LRMDA: variants seen among roughly 807,000 people sequenced by gnomAD.
The protein encoded by LRMDA is leucine-rich melanocyte differentiation-associated protein.
A neutral mutation model predicts 29.8 loss-of-function variants in LRMDA; 18 were observed. The observed-to-expected ratio is 0.60, with a 90% CI of 0.42 to 0.90. LRMDA has a LOEUF of 0.90. Among genes scored for constraint, LRMDA ranks in the 40% least tolerant of loss-of-function variants. The pLI is 0.00. For synonymous variants in LRMDA, 125 were observed against 109.4 expected, an observed-to-expected ratio of 1.14 and a Z score of -0.89; for missense variants, 273 against 273.9, an observed-to-expected ratio of 1.00 and a Z score of 0.02.
chr10:75,771,293 T>A (rs958018949), intron 2 of LRMDA, among the ~76,000 whole-genome samples: 9 of 152,076 alleles, frequency 5.9e-5, no homozygotes, highest in South Asian at 2.1e-4. Flanking sequence ...TTTTTTTTTT[T>A]ATCTAGTCAT....
chr10:76,173,987 T>C (rs1046016398), intron 5 of LRMDA, among the ~76,000 whole-genome samples: 1 of 152,144 alleles, frequency 6.6e-6, no homozygotes, highest in Non-Finnish European at 1.5e-5. Context: ...GAAAATTGAA[T>C]TTGTAGTTAA....
Position 76,292,196 on chromosome 10 carries a change from A to G in LRMDA, c.517-32205A>G, listed in dbSNP as rs1041434112. The stretch of plus-strand genomic sequence containing the variant: ...ATAAAGATGCATTTTAGTTCCTCCT[A>G]TCTGTACAACATATATTAATATATA... On this transcript the variant is annotated intron_variant, in intron 5 of 6. Coordinates refer to ENST00000611255, the MANE Select transcript of LRMDA (RefSeq NM_001305581.2). Among the ~76,000 whole-genome samples the G allele has an allele frequency of 2.0e-5, 3 of 152,332 alleles. No homozygotes were observed. In the East Asian group the frequency reaches 5.8e-4, roughly 29 times the overall value.
At chr10:75,799,945 C>T (rs975362110) in intron 2 of LRMDA, among the ~76,000 whole-genome samples, 1 of 152,152 alleles carries the variant, frequency 6.6e-6, no homozygotes, top group African/African-American at 2.4e-5. Flanking sequence ...TATGTTTGCA[C>T]ATTTGACTGT....
chr10:75,851,874 G>A lies in LRMDA; in HGVS notation c.132-184134G>A, dbSNP rs966412222. Among the ~76,000 whole-genome samples the A allele has an allele frequency of 2.6e-5, 4 of 152,128 alleles. No individual in the cohort carries two copies. In the South Asian group the frequency reaches 8.3e-4, roughly 32 times the overall value. ...GCTGCCTGCAAATTGCTTTGTGTACGCACCTAATTGTTTCTTAAGTAATTC... is the reference window on the plus strand; with the variant it reads ...GCTGCCTGCAAATTGCTTTGTGTACACACCTAATTGTTTCTTAAGTAATTC... On this transcript the variant is annotated intron_variant, in intron 2 of 6. Transcript: ENST00000611255.
chr10:76,475,395 A>C lies in LRMDA; in HGVS notation c.602-81814A>C, dbSNP rs568367887. 2.0e-5 allele frequency among the ~76,000 whole-genome samples: 3 copies of C among 152,180 alleles called. No homozygotes were observed. The East Asian group carries it at 5.8e-4, about 29-fold the overall frequency. On this transcript the variant is annotated intron_variant, in intron 6 of 6. Coordinates refer to ENST00000611255, the MANE Select transcript of LRMDA (RefSeq NM_001305581.2). ...TGAATACAGGAGCACCCAGATTTAT[A>C]AAGCAAGTCCTTAGAGACCTACAAA...
At chr10:75,561,544 GA>G (rs1840295570) in intron 2 of LRMDA, among the ~76,000 whole-genome samples, 1 of 151,744 alleles carries the variant, frequency 6.6e-6, no homozygotes, top group Admixed American at 6.6e-5. Context: ...GTTCTGCTCT[GA>G]TTTTAGTTAT....
chr10:76,521,881 G>T (rs981596354), intron 6 of LRMDA, among the ~76,000 whole-genome samples: 7 of 152,146 alleles, frequency 4.6e-5, no homozygotes, highest in Non-Finnish European at 8.8e-5. Flanking sequence ...TAGAGATAAT[G>T]ACTTATATTT....
chr10:76,315,231 C>T (rs1489340401), intron 5 of LRMDA, among the ~76,000 whole-genome samples: 10 of 152,216 alleles, frequency 6.6e-5, no homozygotes, highest in Admixed American at 5.9e-4. Flanking sequence ...GCAGCCGCTT[C>T]GAAGATTAGC....
chr10:75,728,000 G>A (rs1476348064), intron 2 of LRMDA, among the ~76,000 whole-genome samples: 1 of 151,946 alleles, frequency 6.6e-6, no homozygotes, highest in Admixed American at 6.6e-5. Context: ...TTTTTGAGTG[G>A]CTACGTTTAG....
chr10:75,539,880 T>C (rs1194611070), intron 2 of LRMDA, among the ~76,000 whole-genome samples: 1 of 152,132 alleles, frequency 6.6e-6, no homozygotes, highest in East Asian at 1.9e-4. Context: ...GAAGTCAGAG[T>C]CTGTCAGAGT....
intron 2 of LRMDA, among the ~76,000 whole-genome samples, chr10:75,717,435 C>T (rs552172502): frequency 1.2e-4 from 18 of 152,210 alleles, no homozygotes; most frequent in Admixed American, 4.6e-4. Context: ...GCACATAAAA[C>T]GGAAGCTTGC....
intron 2 of LRMDA, among the ~76,000 whole-genome samples, chr10:75,575,580 A>G (rs1356216646): frequency 6.6e-6 from 1 of 152,250 alleles, no homozygotes; most frequent in African/African-American, 2.4e-5. Context: ...CTTAAAGCTC[A>G]GGATGGCCAA....
At chr10:76,290,652 C>T (rs1349826585) in intron 5 of LRMDA, among the ~76,000 whole-genome samples, 1 of 152,000 alleles carries the variant, frequency 6.6e-6, no homozygotes, top group Non-Finnish European at 1.5e-5. Flanking sequence ...GAACTCTTAA[C>T]CTTAGGTGAT....
At chr10:75,659,390 T>G (rs965089010) in intron 2 of LRMDA, among the ~76,000 whole-genome samples, 1 of 152,140 alleles carries the variant, frequency 6.6e-6, no homozygotes, top group African/African-American at 2.4e-5. Flanking sequence ...CCAGCTTTAT[T>G]TGAGGTGGAA....
intron 2 of LRMDA, among the ~76,000 whole-genome samples, chr10:75,911,534 T>C (rs150508041): frequency 6.6e-6 from 1 of 152,332 alleles, no homozygotes; most frequent in East Asian, 1.9e-4. Context: ...TCTTTACATC[T>C]TTGTTACTGT....
At chr10:76,068,327 G>C (rs10509363) in intron 5 of LRMDA, among the ~76,000 whole-genome samples, 56,433 of 152,066 alleles carry the variant, frequency 0.37, 11,575 homozygotes, top group Non-Finnish European at 0.45. Flanking sequence ...AAGTTGTGGA[G>C]AAGATAAAGT....
At chr10:76,425,477 T>A (rs540351874) in intron 6 of LRMDA, among the ~76,000 whole-genome samples, 1 of 152,158 alleles carries the variant, frequency 6.6e-6, no homozygotes, top group Non-Finnish European at 1.5e-5. Flanking sequence ...TCTTAACTTT[T>A]AAAATGGAGA....
chr10:75,462,477 G>A (rs540974609), intron 2 of LRMDA, among the ~76,000 whole-genome samples: 5 of 152,280 alleles, frequency 3.3e-5, no homozygotes, highest in African/African-American at 1.2e-4. Flanking sequence ...CATTGTCTTA[G>A]TGCGTGCTCA....
intron 2 of LRMDA, among the ~76,000 whole-genome samples, chr10:75,950,800 A>T (rs1378133135): frequency 6.6e-6 from 1 of 152,212 alleles, no homozygotes. Context: ...ACCTTTAATG[A>T]GTGAATGAAT....
Sources: allele counts gnomAD v4.1 joint callset (sites outside exome capture counted in the v4.1 genomes callset), GRCh38; gene constraint gnomAD v4.1.1; transcripts MANE v1.5; gene names NCBI Gene and HGNC (gene_info 2026-07-23, HGNC 2026-07-21).